The following NT5C2 variants were observed in gnomAD, a reference collection of about 807,000 sequenced individuals.
NT5C2 encodes 5'-nucleotidase, cytosolic II.
A neutral mutation model predicts 76.1 loss-of-function variants in NT5C2; 58 were observed. The observed-to-expected ratio is 0.76, with a 90% CI of 0.62 to 0.95. The LOEUF is 0.95. Ranked by LOEUF, NT5C2 falls within the 40% of genes least tolerant of loss-of-function variation. NT5C2 has a pLI of 0.00. For missense variants in NT5C2, 478 were observed against 690.3 expected, an observed-to-expected ratio of 0.69 and a Z score of 3.45; for synonymous variants, 229 against 237.4, an observed-to-expected ratio of 0.96 and a Z score of 0.32.
intron 4 of NT5C2, among the ~76,000 whole-genome samples, chr10:103,126,973 A>T (rs1380520630): frequency 1.3e-5 from 2 of 152,062 alleles, no homozygotes; most frequent in Non-Finnish European, 2.9e-5. Flanking sequence ...ATGTCTGGGT[A>T]ATTTCTGAGA....
At chr10:103,174,361 C>A (rs2089246321) in intron 3 of NT5C2, among the ~76,000 whole-genome samples, 1 of 151,968 alleles carries the variant, frequency 6.6e-6, no homozygotes, top group Non-Finnish European at 1.5e-5. Context: ...ACTGAGACTG[C>A]ACCACTGCAC....
intron 3 of NT5C2, among the ~76,000 whole-genome samples, chr10:103,157,470 A>T (rs74827204): frequency 0.042 from 6,367 of 152,266 alleles, 143 homozygotes; most frequent in Non-Finnish European, 0.052. Flanking sequence ...ACAAACATGG[A>T]ATGGGAGTGA....
rs761883928 is a variant in NT5C2 at position 103,091,635 on chromosome 10, A to C, written c.1160-20T>G. 1.2e-6 allele frequency: 2 copies of C among 1,605,580 alleles called. No homozygotes were observed. Among genetic ancestry groups the C allele is most frequent in the Non-Finnish European group, 1.7e-6 (2 of 1,172,682 alleles). The stretch of plus-strand genomic sequence containing the variant: ...AAAGTGCTAGTTAAGGTTTGGAAGG[A>C]AAAGGAAGACATTTTAAATAAATAA... On this transcript the variant is annotated intron_variant, in intron 15 of 18. Coordinates refer to ENST00000404739, the MANE Select transcript of NT5C2 (RefSeq NM_001351169.2).
At chr10:103,152,353 A>G (rs896030819) in intron 3 of NT5C2, among the ~76,000 whole-genome samples, 20 of 152,278 alleles carry the variant, frequency 1.3e-4, no homozygotes, top group African/African-American at 4.3e-4. Flanking sequence ...TAAAAATAAT[A>G]CAGAATTACT....
chr10:103,188,337 G>A (rs1016148818), intron 1 of NT5C2, among the ~76,000 whole-genome samples: 6 of 151,996 alleles, frequency 3.9e-5, no homozygotes, highest in Non-Finnish European at 8.8e-5. Flanking sequence ...CAGCCCAGGC[G>A]ACAGTGCAAA....
chr10:103,171,604 T>C (rs1464496886), intron 3 of NT5C2, among the ~76,000 whole-genome samples: 1 of 152,182 alleles, frequency 6.6e-6, no homozygotes, highest in Non-Finnish European at 1.5e-5. Context: ...AGGGCCCAGA[T>C]TTTTCTACCC....
chr10:103,188,965 T>C (rs2092367094), intron 1 of NT5C2, among the ~76,000 whole-genome samples: 2 of 150,778 alleles, frequency 1.3e-5, no homozygotes, highest in South Asian at 4.2e-4. Context: ...TGAGCTGAGA[T>C]CGAGCCAGCC....
rs964394927 is a variant in NT5C2, at chr10:103,101,491, G to A, written c.390-165C>T. 8.6e-5 allele frequency among the ~76,000 whole-genome samples: 13 copies of A among 150,680 alleles called. 1 individual carries two copies. Among genetic ancestry groups the A allele is most frequent in the African/African-American group, 3.2e-4 (13 of 40,972 alleles). On this transcript the variant is annotated intron_variant, in intron 6 of 18. Coordinates refer to ENST00000404739, the MANE Select transcript of NT5C2 (RefSeq NM_001351169.2). ...TGAAGATGAACGAGTTCAGGTTCCA[G>A]CTCTTTATTTTTTTTAATTTTAATT...
chr10:103,159,913 C>T (rs927446792), intron 3 of NT5C2, among the ~76,000 whole-genome samples: 5 of 152,010 alleles, frequency 3.3e-5, no homozygotes, highest in Non-Finnish European at 7.4e-5. Flanking sequence ...CAAGCTGATC[C>T]TAAGATTCAT....
chr10:103,137,991 A>G (rs1384551001), intron 4 of NT5C2, among the ~76,000 whole-genome samples: 1 of 152,196 alleles, frequency 6.6e-6, no homozygotes, highest in Non-Finnish European at 1.5e-5. Flanking sequence ...AAGGATGTGG[A>G]AACTTAAACA....
At chr10:103,152,160 G>A (rs537414599) in intron 3 of NT5C2, among the ~76,000 whole-genome samples, 1 of 152,274 alleles carries the variant, frequency 6.6e-6, no homozygotes, top group South Asian at 2.1e-4. Context: ...TAGCACCTGT[G>A]ATAGTCCTTA....
In NT5C2 at chr10:103,182,634, CA is replaced by C. The variant is rs563349681; in HGVS notation, c.-168-1307del. Reference sequence around the variant, plus strand: ...TGGGTGACAGAGCAAGACTCCATCTCAAAAAAAAAAAACTAAACTTGGCATT... The same window carrying C: ...TGGGTGACAGAGCAAGACTCCATCTCAAAAAAAAAAACTAAACTTGGCATT... On this transcript the variant is annotated intron_variant, in intron 1 of 18. Transcript: ENST00000404739. Among the ~76,000 whole-genome samples the C allele has an allele frequency of 3.0e-3, 417 of 137,970 alleles. 2 individuals carry two copies. The highest frequency in any genetic ancestry group is 0.01 in the African/African-American group (387 of 37,902). 90.5% of individuals were successfully genotyped at this position (137,970 alleles called of 152,430 possible).
At position 103,134,693 on chromosome 10, in the gene NT5C2, A is replaced by G. The variant is rs186861675; in HGVS notation, c.175+4713T>C. 5.4e-4 allele frequency among the ~76,000 whole-genome samples: 82 copies of G among 152,332 alleles called. 1 individual carries two copies. The highest frequency in any genetic ancestry group is 1.8e-3 in the African/African-American group (73 of 41,584). On this transcript the variant is annotated intron_variant, in intron 4 of 18. Transcript: ENST00000404739. Reference sequence around the variant, plus strand: ...AGAGGATCACCGTCCTCCAGACCCCAGAATAATAGATCCACTGACAGCTTG... The same window carrying G: ...AGAGGATCACCGTCCTCCAGACCCCGGAATAATAGATCCACTGACAGCTTG...
At chr10:103,104,683 T>A (rs2070734592) in intron 6 of NT5C2, among the ~76,000 whole-genome samples, 1 of 152,172 alleles carries the variant, frequency 6.6e-6, no homozygotes, top group Non-Finnish European at 1.5e-5. Flanking sequence ...CTGTGTAATG[T>A]CAGTAATGCC....
At position 103,101,089 on chromosome 10, in the gene NT5C2, C is replaced by A; in HGVS notation, c.495G>T (p.Leu165Phe). Residue 165 changes from leucine to phenylalanine, a missense_variant, in exon 8 of 19, where the codon TTG becomes TTT. Transcript: ENST00000404739. ...TAGTAAAAAAATCTACTAGGCAGGCCAACAGGTAGGTCTCTGAAAAATGAA... is the reference window on the plus strand; with the variant it reads ...TAGTAAAAAAATCTACTAGGCAGGCAAACAGGTAGGTCTCTGAAAAATGAA... Reference protein sequence around the residue: ...TLFNLPETYLLACLVDFFTNC... With the variant: ...TLFNLPETYLFACLVDFFTNC... 6.3e-7 allele frequency: 1 copy of A among 1,592,742 alleles called. No individual in the cohort carries two copies. The highest frequency in any genetic ancestry group is 1.7e-5 in the Admixed American group (1 of 59,952).
chr10:103,129,057 G>C (rs1427632223), intron 4 of NT5C2, among the ~76,000 whole-genome samples: 2 of 117,756 alleles, frequency 1.7e-5, no homozygotes, highest in African/African-American at 3.2e-5. Context: ...GGCCAGCCGT[G>C]CCATCCGGGA....
At chr10:103,095,806 G>T in intron 12 of NT5C2, 133 bp downstream of exon 12, 1 of 738,120 alleles carries the variant, frequency 1.4e-6, no homozygotes, top group Non-Finnish European at 2.3e-6. Flanking sequence ...TGTTAATGAA[G>T]ATTAGACAAT....
At chr10:103,177,189 A>C (rs2090144036) in intron 2 of NT5C2, among the ~76,000 whole-genome samples, 1 of 152,190 alleles carries the variant, frequency 6.6e-6, no homozygotes, top group African/African-American at 2.4e-5. Context: ...ATTTTTCTGT[A>C]ATAACTTATT....
Position 103,188,666 on chromosome 10 carries a change from C to T in NT5C2, c.-169+4570G>A, listed in dbSNP as rs189216611. Among the ~76,000 whole-genome samples the T allele has an allele frequency of 9.5e-4, 144 of 152,224 alleles. 5 individuals are homozygous for T. The East Asian group carries it at 0.019, about 20-fold the overall frequency. ...TCACAGTGTTTTTTACAATTTTTTA[C>T]GATCAGTTGCCCACATTTATAAATC... On this transcript the variant is annotated intron_variant, in intron 1 of 18. Transcript: ENST00000404739.
Sources: gnomAD v4.1 joint callset for allele counts (sites outside exome capture counted in the v4.1 genomes callset) on GRCh38, gnomAD v4.1.1 for gene constraint, MANE v1.5 for transcripts, NCBI Gene and HGNC (gene_info 2026-07-23, HGNC 2026-07-21) for gene names.